Variants in GTF2E2 observed in about 807,000 individuals in gnomAD.
GTF2E2 encodes the protein transcription initiation factor IIE subunit beta.
A neutral mutation model predicts 40.5 loss-of-function variants in GTF2E2; 21 were observed. The ratio of observed to expected loss-of-function variants is 0.52; its 90% CI spans 0.37 to 0.75. The LOEUF is 0.75. Ranked by LOEUF, GTF2E2 falls within the 30% of genes least tolerant of loss-of-function variation. The pLI is 0.00. For synonymous variants in GTF2E2, 117 were observed against 121.6 expected (o/e 0.96, Z 0.25); for missense variants, 298 against 338.4 (o/e 0.88, Z 0.94).
At chr8:30,622,990 C>T (rs1013755273) in intron 3 of GTF2E2, among the ~76,000 whole-genome samples, 2 of 152,008 alleles carry the variant, frequency 1.3e-5, no homozygotes, top group South Asian at 2.1e-4. Context: ...CGACATACAT[C>T]CTCCTCAGCT....
intron 7 of GTF2E2, among the ~76,000 whole-genome samples, chr8:30,579,873 G>C (rs1828460279): frequency 6.6e-6 from 1 of 152,188 alleles, no homozygotes; most frequent in African/African-American, 2.4e-5. Flanking sequence ...AGTTACTATG[G>C]CAGAACCAGG....
chr8:30,582,079 T>G (rs1218067209), intron 6 of GTF2E2, among the ~76,000 whole-genome samples: 1 of 152,186 alleles, frequency 6.6e-6, no homozygotes, highest in African/African-American at 2.4e-5. Flanking sequence ...TGGCGCAATC[T>G]CAGCTCACTG....
chr8:30,653,371 TA>T, intron 2 of GTF2E2, 61 bp downstream of exon 2: 1 of 1,309,772 alleles, frequency 7.6e-7, no homozygotes, highest in South Asian at 1.3e-5. Context: ...TAGCCATAAC[TA>T]AACGGTTTCC....
chr8:30,599,802 G>C (rs1433162846), intron 6 of GTF2E2, among the ~76,000 whole-genome samples: 1 of 152,132 alleles, frequency 6.6e-6, no homozygotes, highest in Non-Finnish European at 1.5e-5. Flanking sequence ...GGCCAACACT[G>C]TGAAACCCCA....
rs1198951463 is a variant in GTF2E2, at chr8:30,607,163, T to C, written c.550-13A>G. The C allele has an allele frequency of 9.6e-7, 1 of 1,041,150 alleles. No individual in the cohort carries two copies. Among genetic ancestry groups the C allele is most frequent in the Non-Finnish European group, 1.4e-6 (1 of 711,114 alleles). 64.5% of individuals were successfully genotyped at this position (1,041,150 alleles called of 1,614,324 possible). On this transcript the variant is annotated splice_polypyrimidine_tract_variant and intron_variant, in intron 5 of 7. Coordinates refer to ENST00000355904, the MANE Select transcript of GTF2E2 (RefSeq NM_002095.6). ...GGTCCCCCAAAGCCTTAAAGATAGA[T>C]AAAATAAAGATTTTTCAGTTAACTC...
At chr8:30,655,851 A>G (rs1030101457) in intron 1 of GTF2E2, among the ~76,000 whole-genome samples, 1 of 151,702 alleles carries the variant, frequency 6.6e-6, no homozygotes, top group African/African-American at 2.4e-5. Context: ...TCTGCCGCCC[A>G]GGCTGGCAGA....
At chr8:30,655,452 G>A (rs1802422171) in intron 1 of GTF2E2, among the ~76,000 whole-genome samples, 1 of 152,184 alleles carries the variant, frequency 6.6e-6, no homozygotes, top group Admixed American at 6.5e-5. Flanking sequence ...TAAGACTAGT[G>A]TCAGCTGGGA....
intron 6 of GTF2E2, among the ~76,000 whole-genome samples, chr8:30,583,923 A>G (rs1328720475): frequency 2.0e-5 from 3 of 150,898 alleles, no homozygotes; most frequent in East Asian, 1.9e-4. Flanking sequence ...CTCCTGTCTC[A>G]GCCTCCCGAG....
chr8:30,581,660 G>A (rs1196386291), intron 6 of GTF2E2, among the ~76,000 whole-genome samples: 2 of 152,178 alleles, frequency 1.3e-5, no homozygotes, highest in Non-Finnish European at 2.9e-5. Context: ...AGATACATTA[G>A]GGGTTCTTTC....
chr8:30,593,954 G>A (rs1335412575), intron 6 of GTF2E2, among the ~76,000 whole-genome samples: 1 of 151,532 alleles, frequency 6.6e-6, no homozygotes, highest in Admixed American at 6.6e-5. Flanking sequence ...CTTTCGAGAT[G>A]GAGTCTTGCT....
At chr8:30,588,049 T>G (rs747290221) in intron 6 of GTF2E2, among the ~76,000 whole-genome samples, 3 of 152,174 alleles carry the variant, frequency 2.0e-5, no homozygotes, top group Non-Finnish European at 4.4e-5. Flanking sequence ...TGAGAATGGT[T>G]ATCCTCAAAA....
chr8:30,590,694 C>CT lies in GTF2E2; in HGVS notation c.644-10299dup, dbSNP rs879811892. The stretch of plus-strand genomic sequence containing the variant: ...TAAAGGACTTGATTGAAATCAAAAA[C>CT]TTTTTTTTTTTTTTGAGACAGAGTT... On this transcript the variant is annotated intron_variant, in intron 6 of 7. Coordinates refer to ENST00000355904, the MANE Select transcript of GTF2E2 (RefSeq NM_002095.6). 4.2e-3 allele frequency among the ~76,000 whole-genome samples: 609 copies of CT among 145,696 alleles called. 10 individuals carry two copies. In the East Asian group the frequency reaches 0.048, roughly 11 times the overall value.
chr8:30,644,017 A>G lies in GTF2E2; in HGVS notation c.167-8894T>C, dbSNP rs565597031. Among the ~76,000 whole-genome samples, 6 of 152,362 alleles carry G rather than the reference A, an allele frequency of 3.9e-5. No individual in the cohort carries two copies. In the East Asian group the frequency reaches 9.6e-4, roughly 24 times the overall value. On this transcript the variant is annotated intron_variant, in intron 2 of 7. Coordinates refer to ENST00000355904, the MANE Select transcript of GTF2E2 (RefSeq NM_002095.6). ...AGAATGACAACCGATAAATTAATGA[A>G]GTAGAACTACATTTTTTCTCTTATT...
chr8:30,583,163 G>C (rs556090236), intron 6 of GTF2E2, among the ~76,000 whole-genome samples: 2 of 152,196 alleles, frequency 1.3e-5, no homozygotes, highest in East Asian at 1.9e-4. Flanking sequence ...GTGAAACTGT[G>C]TCTCTACTAA....
chr8:30,604,671 C>T (rs147332421), intron 6 of GTF2E2, among the ~76,000 whole-genome samples: 16 of 152,280 alleles, frequency 1.1e-4, no homozygotes, highest in East Asian at 1.9e-4. Context: ...TCACAAGACA[C>T]GGAACACATA....
At chr8:30,653,044 C>T (rs1021377247) in intron 2 of GTF2E2, among the ~76,000 whole-genome samples, 4 of 151,990 alleles carry the variant, frequency 2.6e-5, no homozygotes, top group African/African-American at 7.2e-5. Flanking sequence ...ATTGGTTTTC[C>T]GGGGCAGGGA....
chr8:30,611,674 A>G (rs1563486816), intron 5 of GTF2E2, among the ~76,000 whole-genome samples: 1 of 152,234 alleles, frequency 6.6e-6, no homozygotes. Flanking sequence ...TTGTAGTACA[A>G]TACCAGAAGA....
intron 2 of GTF2E2, 114 bp downstream of exon 2, chr8:30,653,316 TCAA>T (rs1169375846): frequency 2.8e-6 from 2 of 717,324 alleles, no homozygotes; most frequent in African/African-American, 3.5e-5. Context: ...TCCTTTATAT[TCAA>T]CAAAGTGCCT....
At chr8:30,597,271 C>G (rs1398753624) in intron 6 of GTF2E2, 1 of 152,228 alleles carries the variant, frequency 6.6e-6, no homozygotes, top group Non-Finnish European at 1.5e-5. Flanking sequence ...GCTCTTATCT[C>G]ATAGGAGCAA....
Sources: gnomAD v4.1 joint callset for allele counts (sites outside exome capture counted in the v4.1 genomes callset) on GRCh38, gnomAD v4.1.1 for gene constraint, MANE v1.5 for transcripts, NCBI Gene and HGNC (gene_info 2026-07-23, HGNC 2026-07-21) for gene names.